DDOST: variants seen among roughly 807,000 people sequenced by gnomAD.
The protein encoded by DDOST is dolichyl-diphosphooligosaccharide--protein glycosyltransferase non-catalytic subunit.
Under a neutral mutation model 47.6 loss-of-function variants are expected in DDOST, and 25 were observed. That is an observed-to-expected ratio of 0.53 (90% CI 0.38 to 0.73). DDOST has a LOEUF of 0.73. DDOST is among the 30% of genes least tolerant of loss of function. DDOST has a pLI of 0.00. For synonymous variants in DDOST, 275 were observed against 236.0 expected (o/e 1.17, Z -1.51); for missense variants, 526 against 573.9 (o/e 0.92, Z 0.85).
intron 4 of DDOST, 21 bp from the exon 5 acceptor site, chr1:20,655,555 G>A: frequency 2.5e-6 from 4 of 1,611,194 alleles, no homozygotes; most frequent in Non-Finnish European, 3.4e-6. Context: ...TAGATGGAAA[G>A]GTGGGTGGTC....
chr1:20,661,088 C>T (rs567066796), intron 1 of DDOST, 97 bp from the exon 2 acceptor site: 9 of 1,487,278 alleles, frequency 6.1e-6, no homozygotes, highest in Admixed American at 1.8e-5. Flanking sequence ...GCAGGCCAGA[C>T]CCGGGCGGCC....
intron 2 of DDOST, among the ~76,000 whole-genome samples, chr1:20,656,890 A>G (rs189557548): frequency 2.0e-5 from 3 of 152,332 alleles, no homozygotes; most frequent in East Asian, 3.9e-4. Flanking sequence ...GGGTGGGGCT[A>G]TTTGAGGCTC....
intron 2 of DDOST, 84 bp downstream of exon 2, chr1:20,660,797 G>A (rs2053425893): frequency 5.0e-6 from 4 of 801,180 alleles, no homozygotes; most frequent in Non-Finnish European, 8.5e-6. Context: ...CTGTGACCCA[G>A]GACATGCCCA....
chr1:20,654,489 G>A, intron 6 of DDOST, 118 bp from the exon 7 acceptor site: 3 of 1,407,374 alleles, frequency 2.1e-6, no homozygotes, highest in Middle Eastern at 1.8e-4. Context: ...CCTGAAGGGG[G>A]AGCCTGAGAC....
In DDOST at chr1:20,655,708, G is replaced by A. The variant is rs1302557641; in HGVS notation, c.424C>T (p.His142Tyr). 6.2e-7 allele frequency: 1 copy of A among 1,614,056 alleles called. No homozygotes were observed. The highest frequency in any genetic ancestry group is 1.3e-5 in the African/African-American group (1 of 75,036). ...FDEEKTAVIDHHNYDISDLGQ... is the reference protein window; with the variant it reads ...FDEEKTAVIDYHNYDISDLGQ... Reference sequence around the variant, plus strand: ...AGGTCTGAGATGTCATAGTTGTGATGGTCAATGACAGCCGTTTTCTCCTCG... The same window carrying A: ...AGGTCTGAGATGTCATAGTTGTGATAGTCAATGACAGCCGTTTTCTCCTCG... The change falls in exon 4 of 11, where the codon CAT becomes TAT. Residue 142 changes from histidine to tyrosine, a missense_variant. By Grantham distance (83) the His-to-Tyr change is moderately conservative. Transcript: ENST00000602624.
At position 20,654,354 on chromosome 1, in the gene DDOST, C is replaced by A; in HGVS notation, c.663G>T (p.Gly221=). The change falls in exon 7 of 11, where the codon GGG becomes GGT. Residue 221 remains glycine (G), a synonymous_variant. Transcript: ENST00000602624. ...GCCCAGCAATGAGGAGGGTGTTCTTCCCCACCGCATGTGGATACTGGGAAC... is the reference window on the plus strand; with the variant it reads ...GCCCAGCAATGAGGAGGGTGTTCTTACCCACCGCATGTGGATACTGGGAAC... ...KPITQYPHAV[G]KNTLLIAGLQ... is the part of the protein sequence containing the mutation. 6.4e-7 allele frequency: 1 copy of A among 1,559,996 alleles called. No individual in the cohort carries two copies.
At position 20,652,453 on chromosome 1, in the gene DDOST, A is replaced by G; in HGVS notation, c.1246T>C (p.Phe416Leu). 3.7e-6 allele frequency: 6 copies of G among 1,613,988 alleles called. No homozygotes were observed. Among genetic ancestry groups the G allele is most frequent in the Non-Finnish European group, 5.1e-6 (6 of 1,179,974 alleles). Reference protein sequence around the residue: ...PSAYPYYASAFSMMLGLFIFS... With the variant: ...PSAYPYYASALSMMLGLFIFS... ...ATGAAGAGCCCCAGCATCATGGAGAAGGCGCTGGCGTAGTAGGGGTAGGCC... is the reference window on the plus strand; with the variant it reads ...ATGAAGAGCCCCAGCATCATGGAGAGGGCGCTGGCGTAGTAGGGGTAGGCC... The change falls in exon 11 of 11, where the codon TTC (phenylalanine) becomes CTC (leucine). Residue 416 changes from phenylalanine to leucine, a missense_variant. By Grantham distance (22) the Phe-to-Leu change is conservative. Transcript: ENST00000602624.
chr1:20,660,902 T>C lies in DDOST; in HGVS notation c.244A>G (p.Ile82Val), dbSNP rs1162153006. ...YGEFLYDNLI[I>V]FSPSVEDFGG... ...TTACCTTCTACCGAAGGGGAGAAAA[T>C]GATGAGATTGTCATAGAGGAATTCC... Residue 82 changes from isoleucine (I) to valine (V), a missense_variant, in exon 2 of 11, where the codon ATT becomes GTT. Coordinates refer to ENST00000602624, the MANE Select transcript of DDOST (RefSeq NM_005216.5). 6.2e-6 allele frequency: 10 copies of C among 1,610,574 alleles called. No individual in the cohort carries two copies. The highest frequency in any genetic ancestry group is 8.5e-6 in the Non-Finnish European group (10 of 1,177,042).
At chr1:20,655,816 C>A in intron 3 of DDOST, 37 bp from the exon 4 acceptor site, 1 of 1,572,684 alleles carries the variant, frequency 6.4e-7, no homozygotes, top group Non-Finnish European at 8.7e-7. Flanking sequence ...TGAGCCCTTA[C>A]AGGGGGGCCT....
At position 20,656,998 on chromosome 1, in the gene DDOST, C is replaced by T. The variant is rs1187139368; in HGVS notation, c.266-811G>A. On this transcript the variant is annotated intron_variant, in intron 2 of 10. Transcript: ENST00000602624. ...CATTAAATGAGTAATTCTTGTGAGCCGAGAAGAAAAACAAAGTGGACAATG... is the reference window on the plus strand; with the variant it reads ...CATTAAATGAGTAATTCTTGTGAGCTGAGAAGAAAAACAAAGTGGACAATG... Among the ~76,000 whole-genome samples the T allele has an allele frequency of 3.3e-5, 5 of 152,080 alleles. No individual in the cohort carries two copies. In the South Asian group the frequency reaches 8.3e-4, roughly 25 times the overall value.
chr1:20,656,813 T>C (rs1462735693), intron 2 of DDOST, among the ~76,000 whole-genome samples: 1 of 152,214 alleles, frequency 6.6e-6, no homozygotes, highest in Non-Finnish European at 1.5e-5. Context: ...AACTGTGAGA[T>C]CCTATCCTTT....
At position 20,652,415 on chromosome 1, in the gene DDOST, G is replaced by C; in HGVS notation, c.1284C>G (p.Val428=). 1.9e-6 allele frequency: 3 copies of C among 1,613,856 alleles called. No homozygotes were observed. Among genetic ancestry groups the C allele is most frequent in the Non-Finnish European group, 2.5e-6 (3 of 1,179,936 alleles). ...TCTCCTTCTCCTTCATGTGCAAGAA[G>C]ACGATGCTGAAGATGAAGAGCCCCA... The part of the protein sequence containing the change: ...MMLGLFIFSI[V]FLHMKEKEKS... The change falls in exon 11 of 11, where the codon GTC becomes GTG. Residue 428 remains valine, a synonymous_variant. Coordinates refer to ENST00000602624, the MANE Select transcript of DDOST (RefSeq NM_005216.5).
At chr1:20,657,367 T>G (rs1166255439) in intron 2 of DDOST, among the ~76,000 whole-genome samples, 1 of 152,182 alleles carries the variant, frequency 6.6e-6, no homozygotes, top group Non-Finnish European at 1.5e-5. Context: ...AGGACGATCC[T>G]GGCAGCGGGG....
At chr1:20,655,618 G>T in intron 4 of DDOST, 58 bp downstream of exon 4, 2 of 1,597,132 alleles carry the variant, frequency 1.3e-6, no homozygotes, top group Non-Finnish European at 1.7e-6. Context: ...CTTGGCTTTT[G>T]GCTAAGCAGA....
chr1:20,653,870 T>C lies in DDOST; in HGVS notation c.795-96A>G. 10 of 1,449,184 alleles carry C rather than the reference T, an allele frequency of 6.9e-6. No homozygotes were observed. In the African/African-American group the frequency reaches 9.9e-5, roughly 14 times the overall value. The allele number at this position is 1,449,184 out of a possible 1,614,324, so 89.8% of individuals were successfully genotyped here. ...ACTCATGTCCACCATGACAGTACCC[T>C]AGCGAAGTTCTGCCTGTAGGCCTTG... is the stretch of plus-strand genomic sequence containing the variant. On this transcript the variant is annotated intron_variant, in intron 7 of 10. Transcript: ENST00000602624.
chr1:20,655,878 G>T, intron 3 of DDOST, 99 bp from the exon 4 acceptor site: 1 of 1,027,018 alleles, frequency 9.7e-7, no homozygotes. Flanking sequence ...CAGCCCCAGT[G>T]CCCTGCAGCT....
Position 20,656,183 on chromosome 1 carries a change from A to G in DDOST, c.270T>C (p.Phe90=). ...LIIFSPSVED[F]GGNINVETIS... ...TGGTCTCCACGTTGATGTTGCCTCCAAAATCTGAAAGCAGGCACCAGACAC... is the reference window on the plus strand; with the variant it reads ...TGGTCTCCACGTTGATGTTGCCTCCGAAATCTGAAAGCAGGCACCAGACAC... The change falls in exon 3 of 11, where the codon TTT becomes TTC. Residue 90 remains phenylalanine, a synonymous_variant. Coordinates refer to ENST00000602624, the MANE Select transcript of DDOST (RefSeq NM_005216.5). 6.2e-7 allele frequency: 1 copy of G among 1,613,926 alleles called. No individual in the cohort carries two copies. Among genetic ancestry groups the G allele is most frequent in the Non-Finnish European group, 8.5e-7 (1 of 1,179,792 alleles).
chr1:20,655,493 G>A lies in DDOST; in HGVS notation c.498C>T (p.Ala166=), dbSNP rs1380545202. 2 of 1,613,872 alleles carry A rather than the reference G, an allele frequency of 1.2e-6. No individual in the cohort carries two copies. The highest frequency in any genetic ancestry group is 2.7e-5 in the African/African-American group (2 of 74,892). The change falls in exon 5 of 11, where the codon GCC becomes GCT. Residue 166 remains alanine (A), a synonymous_variant. Transcript: ENST00000602624. Reference sequence around the variant, plus strand: ...GAGATGATTTCCCAACGATGGTTGGGGCCTTCAGCAGGTTCTCAGTGTCAG... The same window carrying A: ...GAGATGATTTCCCAACGATGGTTGGAGCCTTCAGCAGGTTCTCAGTGTCAG... ...IVADTENLLK[A]PTIVGKSSLN...
At position 20,653,776 on chromosome 1, in the gene DDOST, T is replaced by A; in HGVS notation, c.795-2A>T. On this transcript the variant is annotated splice_acceptor_variant, in intron 7 of 10. Coordinates refer to ENST00000602624, the MANE Select transcript of DDOST (RefSeq NM_005216.5). LOFTEE classifies it high-confidence loss of function. ...TCATAGTTGCCTGTCTGGGAATACCTGCAGGAGGGAAACAGGAGCAGCTTG... is the reference window on the plus strand; with the variant it reads ...TCATAGTTGCCTGTCTGGGAATACCAGCAGGAGGGAAACAGGAGCAGCTTG... 12 of 1,611,960 alleles carry A rather than the reference T, an allele frequency of 7.4e-6. No individual in the cohort carries two copies. Among genetic ancestry groups the A allele is most frequent in the Non-Finnish European group, 1.0e-5 (12 of 1,178,646 alleles).
Sources: gnomAD v4.1 joint callset for allele counts (sites outside exome capture counted in the v4.1 genomes callset) on GRCh38, gnomAD v4.1.1 for gene constraint, MANE v1.5 for transcripts, NCBI Gene and HGNC (gene_info 2026-07-23, HGNC 2026-07-21) for gene names.